Variants in LAMA4 observed in about 807,000 individuals in gnomAD.
LAMA4 encodes laminin subunit alpha-4.
LAMA4 carries 127 observed loss-of-function variants against 207.1 expected under a neutral mutation model. That is an observed-to-expected ratio of 0.61 (90% CI 0.53 to 0.71). The LOEUF is 0.71. LAMA4 is among the 30% of genes least tolerant of loss of function. The pLI, the probability that LAMA4 is intolerant of heterozygous loss-of-function variation, is 0.00. For synonymous variants in LAMA4, 761 were observed against 816.0 expected (o/e 0.93, Z 1.15); for missense variants, 2,093 against 2,246.5 (o/e 0.93, Z 1.38).
intron 8 of LAMA4, among the ~76,000 whole-genome samples, chr6:112,185,646 C>T (rs1782641622): frequency 6.6e-6 from 1 of 152,178 alleles, no homozygotes; most frequent in Non-Finnish European, 1.5e-5. Flanking sequence ...ACAATATAGG[C>T]TGGTGGTGGC....
At chr6:112,213,938 G>A (rs1554357681) in intron 3 of LAMA4, 1 of 637,840 alleles carries the variant, frequency 1.6e-6, no homozygotes, top group Non-Finnish European at 2.9e-6. Flanking sequence ...TGCAAGAACT[G>A]ACTGAAACAC....
chr6:112,193,464 A>C (rs1299581822), intron 5 of LAMA4, among the ~76,000 whole-genome samples: 2 of 142,524 alleles, frequency 1.4e-5, no homozygotes, highest in African/African-American at 2.9e-5. Flanking sequence ...CATTTGAAAA[A>C]CAGATACATA....
chr6:112,197,589 C>A (rs1469015951), intron 5 of LAMA4, among the ~76,000 whole-genome samples: 3 of 152,164 alleles, frequency 2.0e-5, no homozygotes, highest in Non-Finnish European at 4.4e-5. Context: ...AATAAATTTT[C>A]AAATACAACA....
chr6:112,141,060 A>C, intron 21 of LAMA4, 138 bp from the exon 22 acceptor site: 2 of 772,392 alleles, frequency 2.6e-6, no homozygotes, highest in Non-Finnish European at 4.4e-6. Context: ...TACCACAATC[A>C]ATGAGAAAGA....
chr6:112,179,660 G>C (rs1554344837), intron 9 of LAMA4: 2 of 182,318 alleles, frequency 1.1e-5, no homozygotes, highest in South Asian at 2.1e-4. Context: ...GATTTTACCG[G>C]GAACGTTTTT....
At chr6:112,148,560 C>T (rs1467673147) in intron 17 of LAMA4, among the ~76,000 whole-genome samples, 2 of 151,908 alleles carry the variant, frequency 1.3e-5, no homozygotes, top group African/African-American at 4.8e-5. Context: ...GTAAGAAAGC[C>T]ATAGAAAATG....
At chr6:112,226,316 C>G (rs1785209067) in intron 2 of LAMA4, among the ~76,000 whole-genome samples, 1 of 152,198 alleles carries the variant, frequency 6.6e-6, no homozygotes, top group South Asian at 2.1e-4. Flanking sequence ...CAACCTTAAA[C>G]TATTTCTTTA....
intron 14 of LAMA4, chr6:112,158,087 G>T (rs528065874): frequency 6.5e-6 from 1 of 152,728 alleles, no homozygotes; most frequent in South Asian, 2.1e-4. Flanking sequence ...TCAGGGTCAT[G>T]AATTCAATTC....
chr6:112,232,131 C>T (rs1785605180), intron 2 of LAMA4, among the ~76,000 whole-genome samples: 1 of 152,134 alleles, frequency 6.6e-6, no homozygotes, highest in Admixed American at 6.6e-5. Flanking sequence ...GGCTCAGGGA[C>T]ACTGGTAACA....
At chr6:112,194,595 A>T (rs117253928) in intron 5 of LAMA4, among the ~76,000 whole-genome samples, 2,135 of 152,352 alleles carry the variant, frequency 0.014, 24 homozygotes, top group Middle Eastern at 0.024. Flanking sequence ...TTTATATATA[A>T]GAAAGCTAGA....
rs937044155 is a variant in LAMA4, at chr6:112,165,331, T to G, written c.1552-55A>C. On this transcript the variant is annotated intron_variant, in intron 12 of 38. Coordinates refer to ENST00000230538, the MANE Select transcript of LAMA4 (RefSeq NM_001105206.3). ...AGTGAATATGTCTTTAGGGAAAGCG[T>G]TGGGGAGAGCAGTAAATGTCAACTT... 41 of 1,161,868 alleles carry G rather than the reference T, an allele frequency of 3.5e-5. No homozygotes were observed. The East Asian group carries it at 9.6e-4, about 27-fold the overall frequency. 72.0% of individuals were successfully genotyped at this position (1,161,868 alleles called of 1,614,324 possible). A position where few individuals can be genotyped will look rare whatever the true frequency, so the allele number is the denominator to read the frequency against.
rs1424157022 is a variant in LAMA4, at chr6:112,155,868, C to T, written c.1818-162G>A. 14 of 743,436 alleles carry T rather than the reference C, an allele frequency of 1.9e-5. No individual in the cohort carries two copies. The African/African-American group carries it at 2.4e-4, about 13-fold the overall frequency. 46.1% of individuals were successfully genotyped at this position (743,436 alleles called of 1,614,324 possible). On this transcript the variant is annotated intron_variant, in intron 14 of 38. Coordinates refer to ENST00000230538, the MANE Select transcript of LAMA4 (RefSeq NM_001105206.3). ...GGTTTTCTTGAGGGTCACACCTCCTCTGCATTCTTCTGTCTTTGCTGAACA... is the reference window on the plus strand; with the variant it reads ...GGTTTTCTTGAGGGTCACACCTCCTTTGCATTCTTCTGTCTTTGCTGAACA...
chr6:112,241,907 A>G (rs1229885309), intron 2 of LAMA4, among the ~76,000 whole-genome samples: 1 of 152,184 alleles, frequency 6.6e-6, no homozygotes, highest in Non-Finnish European at 1.5e-5. Flanking sequence ...GTCTCCTAAC[A>G]TTATCTTTCT....
intron 9 of LAMA4, among the ~76,000 whole-genome samples, chr6:112,182,636 A>T (rs909072425): frequency 5.3e-5 from 8 of 152,152 alleles, no homozygotes; most frequent in African/African-American, 1.9e-4. Flanking sequence ...TTCAAGGAGT[A>T]GAAGTGGAGG....
At chr6:112,172,519 A>G (rs1422888938) in intron 12 of LAMA4, 92 bp downstream of exon 12, 2 of 1,214,160 alleles carry the variant, frequency 1.6e-6, no homozygotes, top group Non-Finnish European at 2.4e-6. Context: ...AACTATACCA[A>G]TATTTTAAAA....
chr6:112,197,673 G>A (rs1783500161), intron 5 of LAMA4, among the ~76,000 whole-genome samples: 1 of 152,142 alleles, frequency 6.6e-6, no homozygotes, highest in Non-Finnish European at 1.5e-5. Flanking sequence ...ATAACCAAAT[G>A]TCCACTTGCA....
chr6:112,186,712 T>C (rs532341194), intron 8 of LAMA4: 117 of 443,214 alleles, frequency 2.6e-4, no homozygotes, highest in Non-Finnish European at 4.8e-4. Context: ...GCTGTGTAAA[T>C]AGTTGTTACA....
chr6:112,166,913 C>G lies in LAMA4; in HGVS notation c.1552-1637G>C, dbSNP rs1455265857. Among the ~76,000 whole-genome samples the G allele has an allele frequency of 2.0e-5, 3 of 152,220 alleles. No individual in the cohort carries two copies. The South Asian group carries it at 6.2e-4, about 32-fold the overall frequency. On this transcript the variant is annotated intron_variant, in intron 12 of 38. Coordinates refer to ENST00000230538, the MANE Select transcript of LAMA4 (RefSeq NM_001105206.3). ...TCAACAACAACAACAGCAACAGCAA[C>G]AGCAACAAAAACAACAAAAAACAGT... is the stretch of plus-strand genomic sequence containing the variant.
chr6:112,125,978 G>A (rs1778665292), intron 31 of LAMA4, among the ~76,000 whole-genome samples: 1 of 152,196 alleles, frequency 6.6e-6, no homozygotes, highest in South Asian at 2.1e-4. Context: ...TATAAGAAAA[G>A]ATTAGCAAAT....
Sources: allele counts gnomAD v4.1 joint callset (sites outside exome capture counted in the v4.1 genomes callset), GRCh38; gene constraint gnomAD v4.1.1; transcripts MANE v1.5; gene names NCBI Gene and HGNC (gene_info 2026-07-23, HGNC 2026-07-21).